Variants in CADPS2 observed in about 807,000 individuals in gnomAD.
The protein encoded by CADPS2 is calcium dependent secretion activator 2.
In CADPS2, 93 loss-of-function variants were observed where a neutral mutation model predicts 172.5. The ratio of observed to expected loss-of-function variants is 0.54; its 90% CI spans 0.46 to 0.64. CADPS2 has a LOEUF of 0.64. CADPS2 is among the 30% of genes least tolerant of loss of function. The pLI is 0.00. For missense variants in CADPS2, 1,420 were observed against 1,565.9 expected (o/e 0.91, Z 1.57); for synonymous variants, 546 against 555.2 (o/e 0.98, Z 0.23).
intron 9 of CADPS2, among the ~76,000 whole-genome samples, chr7:122,494,636 TGTTGA>T (rs1284002817): frequency 2.6e-5 from 4 of 151,752 alleles, no homozygotes; most frequent in South Asian, 2.1e-4. Flanking sequence ...TATTTTATAG[TGTTGA>T]GTTTTTTAAA....
intron 24 of CADPS2, among the ~76,000 whole-genome samples, chr7:122,385,828 G>A (rs1470369131): frequency 6.6e-6 from 1 of 151,962 alleles, no homozygotes; most frequent in African/African-American, 2.4e-5. Context: ...GTGACTTTGG[G>A]TGTGGCCTCC....
chr7:122,448,252 A>C (rs1398644421), intron 15 of CADPS2, among the ~76,000 whole-genome samples: 5 of 152,120 alleles, frequency 3.3e-5, no homozygotes, highest in Non-Finnish European at 1.5e-5. Flanking sequence ...TTAATCCTTA[A>C]GTTTCTGAAA....
chr7:122,405,946 A>G (rs923780989), intron 20 of CADPS2, among the ~76,000 whole-genome samples: 1 of 152,186 alleles, frequency 6.6e-6, no homozygotes, highest in African/African-American at 2.4e-5. Flanking sequence ...TCCTTCTTTT[A>G]TAGATATAGC....
At chr7:122,751,263 T>A (rs1044878141) in intron 1 of CADPS2, among the ~76,000 whole-genome samples, 1 of 151,980 alleles carries the variant, frequency 6.6e-6, no homozygotes, top group African/African-American at 2.4e-5. Context: ...TTCCTAAGAG[T>A]CTATGTTTTG....
At chr7:122,466,585 T>G (rs1350098782) in intron 14 of CADPS2, among the ~76,000 whole-genome samples, 1 of 152,178 alleles carries the variant, frequency 6.6e-6, no homozygotes, top group Non-Finnish European at 1.5e-5. Context: ...ATAACAAAAT[T>G]CACCTGAGTA....
chr7:122,864,524 C>T (rs1386623227), intron 1 of CADPS2, among the ~76,000 whole-genome samples: 1 of 151,936 alleles, frequency 6.6e-6, no homozygotes, highest in Admixed American at 6.6e-5. Context: ...CACATGGCCA[C>T]TTGTAGCTCT....
At chr7:122,381,968 G>T (rs763915879) in intron 24 of CADPS2, among the ~76,000 whole-genome samples, 3 of 152,066 alleles carry the variant, frequency 2.0e-5, no homozygotes, top group Non-Finnish European at 4.4e-5. Flanking sequence ...CAACTGCTGG[G>T]AACTTTCAGA....
chr7:122,410,207 G>T (rs974672822), intron 19 of CADPS2, among the ~76,000 whole-genome samples: 21 of 151,990 alleles, frequency 1.4e-4, no homozygotes, highest in African/African-American at 4.3e-4. Flanking sequence ...AGCTGGCGGT[G>T]GTGGTGTGCA....
intron 1 of CADPS2, among the ~76,000 whole-genome samples, chr7:122,838,274 A>G (rs1188777584): frequency 6.6e-6 from 1 of 152,176 alleles, no homozygotes; most frequent in Non-Finnish European, 1.5e-5. Flanking sequence ...TTGATGGGAC[A>G]TATCTCAAAA....
intron 7 of CADPS2, among the ~76,000 whole-genome samples, chr7:122,556,471 T>C (rs1422133957): frequency 6.6e-6 from 1 of 152,132 alleles, no homozygotes; most frequent in East Asian, 1.9e-4. Flanking sequence ...CTTCCTTCTA[T>C]GTTTATATAA....
At chr7:122,500,656 C>T (rs1226444516) in intron 9 of CADPS2, among the ~76,000 whole-genome samples, 1 of 151,854 alleles carries the variant, frequency 6.6e-6, no homozygotes, top group Non-Finnish European at 1.5e-5. Flanking sequence ...TATGATGTGA[C>T]CATAGTTATA....
chr7:122,584,758 T>C (rs2132992785), intron 6 of CADPS2, among the ~76,000 whole-genome samples: 1 of 152,150 alleles, frequency 6.6e-6, no homozygotes, highest in Non-Finnish European at 1.5e-5. Flanking sequence ...TTTACTATCA[T>C]TCAGCTGTTT....
intron 2 of CADPS2, among the ~76,000 whole-genome samples, chr7:122,667,904 A>T (rs2081349892): frequency 6.6e-6 from 1 of 152,128 alleles, no homozygotes; most frequent in Admixed American, 6.5e-5. Context: ...ACTAGCAGGG[A>T]CATTCACTAT....
intron 17 of CADPS2, among the ~76,000 whole-genome samples, chr7:122,435,779 G>C (rs912460889): frequency 2.6e-5 from 4 of 152,038 alleles, no homozygotes; most frequent in African/African-American, 9.7e-5. Context: ...AGAGATGAAT[G>C]GATGAAGAAA....
chr7:122,490,780 A>G (rs1366147611), intron 10 of CADPS2, among the ~76,000 whole-genome samples: 1 of 152,142 alleles, frequency 6.6e-6, no homozygotes, highest in Admixed American at 6.5e-5. Flanking sequence ...CTTAATCTCT[A>G]TTCACCAATA....
At chr7:122,549,361 A>C (rs990202958) in intron 8 of CADPS2, among the ~76,000 whole-genome samples, 1 of 152,206 alleles carries the variant, frequency 6.6e-6, no homozygotes, top group Non-Finnish European at 1.5e-5. Context: ...AAGGATTGAT[A>C]AACCTAAACA....
chr7:122,393,331 C>G lies in CADPS2; in HGVS notation c.2889-16G>C. 1 of 1,613,698 alleles carries G rather than the reference C, an allele frequency of 6.2e-7. No individual in the cohort carries two copies. The highest frequency in any genetic ancestry group is 1.7e-4 in the Middle Eastern group (1 of 6,060). On this transcript the variant is annotated splice_polypyrimidine_tract_variant and intron_variant, in intron 21 of 29. Coordinates refer to ENST00000449022, the MANE Select transcript of CADPS2 (RefSeq NM_017954.11). ...GGCGATATTCCTGTAAAGAAACAAA[C>G]AACGTGGGAAGGGACCACCATAAGC...
intron 1 of CADPS2, among the ~76,000 whole-genome samples, chr7:122,762,077 T>C (rs949996459): frequency 1.3e-5 from 2 of 149,182 alleles, no homozygotes; most frequent in South Asian, 2.1e-4. Flanking sequence ...TGTGTGTATA[T>C]ATAAAAGTGT....
chr7:122,493,067 G>A (rs967176636), intron 9 of CADPS2, among the ~76,000 whole-genome samples: 1 of 152,052 alleles, frequency 6.6e-6, no homozygotes, highest in Non-Finnish European at 1.5e-5. Context: ...TAAAATCAAG[G>A]TATTCTCTTC....
Sources: gnomAD v4.1 joint callset for allele counts (sites outside exome capture counted in the v4.1 genomes callset) on GRCh38, gnomAD v4.1.1 for gene constraint, MANE v1.5 for transcripts, NCBI Gene and HGNC (gene_info 2026-07-23, HGNC 2026-07-21) for gene names.